The following PDE4D variants were observed in gnomAD, a reference collection of about 807,000 sequenced individuals.
PDE4D encodes the protein 3',5'-cyclic-AMP phosphodiesterase 4D.
PDE4D carries 24 observed loss-of-function variants against 87.4 expected under a neutral mutation model. That is an observed-to-expected ratio of 0.27 (90% CI 0.20 to 0.39). The LOEUF is 0.39. PDE4D is among the 10% of genes least tolerant of loss of function. PDE4D has a pLI of 1.00. For missense variants in PDE4D, 714 were observed against 1,041.0 expected (o/e 0.69, Z 4.32); for synonymous variants, 384 against 383.2 (o/e 1.00, Z -0.02).
In PDE4D at chr5:59,201,325, A is replaced by G. The variant is rs560935012; in HGVS notation, c.648-7789T>C. On this transcript the variant is annotated intron_variant, in intron 2 of 14. Transcript: ENST00000340635. ...ATTGCTACCTGCTTAAATTAAAATC[A>G]TGAAACTCTAATTTCAGACAACAAA... 1.2e-3 allele frequency among the ~76,000 whole-genome samples: 188 copies of G among 152,276 alleles called. 9 individuals carry two copies. The South Asian group carries it at 0.038, about 31-fold the overall frequency.
At chr5:59,069,610 G>A (rs1764439872) in intron 5 of PDE4D, among the ~76,000 whole-genome samples, 1 of 151,154 alleles carries the variant, frequency 6.6e-6, no homozygotes. Context: ...AACACAGCTA[G>A]TACTTGCAGA....
chr5:59,941,624 G>A lies in PDE4D; in HGVS notation c.272+46864C>T, dbSNP rs184994974. ...TATTTTATGATGGATTATTGCCCCCGCCACCACCAGGCAAAATCTCTAAGC... is the reference window on the plus strand; with the variant it reads ...TATTTTATGATGGATTATTGCCCCCACCACCACCAGGCAAAATCTCTAAGC... On this transcript the variant is annotated intron_variant, in intron 3 of 16. Coordinates refer to the PDE4D transcript ENST00000502484. Among the ~76,000 whole-genome samples, 111 of 152,240 alleles carry A rather than the reference G, an allele frequency of 7.3e-4. 1 individual carries two copies. The highest frequency in any genetic ancestry group is 2.6e-3 in the African/African-American group (106 of 41,532).
chr5:60,429,852 T>G (rs11950623), intron 1 of PDE4D: 48,725 of 342,802 alleles, frequency 0.14, 3,930 homozygotes, highest in African/African-American at 0.17. Flanking sequence ...TTTTTTGTTT[T>G]TTTTTTTAAA....
At chr5:60,348,443 C>A (rs138430326) in intron 1 of PDE4D, among the ~76,000 whole-genome samples, 1 of 150,666 alleles carries the variant, frequency 6.6e-6, no homozygotes. Context: ...TCTGAGAACT[C>A]AAATTTTAAA....
At chr5:59,522,594 A>G (rs1216074110) in intron 1 of PDE4D, among the ~76,000 whole-genome samples, 2 of 152,254 alleles carry the variant, frequency 1.3e-5, no homozygotes, top group African/African-American at 4.8e-5. Context: ...CTTTATTTCC[A>G]AGAGAGCTGG....
intron 1 of PDE4D, among the ~76,000 whole-genome samples, chr5:60,305,592 GA>G (rs1754423375): frequency 6.7e-6 from 1 of 150,120 alleles, no homozygotes; most frequent in Non-Finnish European, 1.5e-5. Flanking sequence ...ATGGCTCCAG[GA>G]AAAAAATAAA....
At chr5:60,454,326 T>G (rs1400382465) in intron 1 of PDE4D, among the ~76,000 whole-genome samples, 1 of 152,142 alleles carries the variant, frequency 6.6e-6, no homozygotes, top group Non-Finnish European at 1.5e-5. Context: ...TATAAATCAT[T>G]CTATTATAAA....
chr5:59,429,620 A>C (rs73097308), intron 1 of PDE4D, among the ~76,000 whole-genome samples: 6,668 of 152,256 alleles, frequency 0.044, 482 homozygotes, highest in African/African-American at 0.15. Context: ...ATTTTCACAG[A>C]GAGAATGGAA....
At chr5:59,499,758 T>TC (rs1339867673) in intron 1 of PDE4D, among the ~76,000 whole-genome samples, 2 of 151,780 alleles carry the variant, frequency 1.3e-5, no homozygotes, top group African/African-American at 4.8e-5. Flanking sequence ...CAATAACAAG[T>TC]AATGAAATTG....
intron 5 of PDE4D, among the ~76,000 whole-genome samples, chr5:59,051,420 T>A (rs1396557349): frequency 6.6e-6 from 1 of 152,126 alleles, no homozygotes; most frequent in Non-Finnish European, 1.5e-5. Flanking sequence ...TCATGAAAAG[T>A]CAACTATGTA....
intron 2 of PDE4D, among the ~76,000 whole-genome samples, chr5:60,076,589 C>A (rs981069188): frequency 4.6e-5 from 7 of 152,090 alleles, no homozygotes; most frequent in African/African-American, 1.7e-4. Flanking sequence ...TTTTAGGGGA[C>A]CAAGACTCAA....
At chr5:59,351,940 T>C (rs1332268932) in intron 1 of PDE4D, among the ~76,000 whole-genome samples, 1 of 152,110 alleles carries the variant, frequency 6.6e-6, no homozygotes, top group Non-Finnish European at 1.5e-5. Context: ...GTGCTGATAA[T>C]AGGATCTGGT....
chr5:60,325,854 T>A (rs999539956), intron 1 of PDE4D, among the ~76,000 whole-genome samples: 1 of 152,164 alleles, frequency 6.6e-6, no homozygotes, highest in African/African-American at 2.4e-5. Context: ...TAATCTACAC[T>A]AATCTGTTTT....
intron 1 of PDE4D, among the ~76,000 whole-genome samples, chr5:59,890,301 T>C (rs1300777203): frequency 1.3e-5 from 2 of 150,176 alleles, no homozygotes; most frequent in South Asian, 4.2e-4. Context: ...ACACACCTTT[T>C]CTTGTTTGCT....
intron 5 of PDE4D, among the ~76,000 whole-genome samples, chr5:59,109,207 AT>A (rs1325634977): frequency 2.0e-5 from 3 of 152,140 alleles, no homozygotes; most frequent in Non-Finnish European, 4.4e-5. Flanking sequence ...ATTAAAAAAA[AT>A]TCGTTAAATC....
intron 1 of PDE4D, among the ~76,000 whole-genome samples, chr5:59,570,556 C>A (rs1374587018): frequency 6.6e-6 from 1 of 151,966 alleles, no homozygotes; most frequent in Non-Finnish European, 1.5e-5. Context: ...TGTTATTGAT[C>A]CGTGTAAGTC....
At chr5:60,052,358 T>A (rs1770270624) in intron 2 of PDE4D, among the ~76,000 whole-genome samples, 1 of 152,190 alleles carries the variant, frequency 6.6e-6, no homozygotes, top group African/African-American at 2.4e-5. Context: ...GTCAGCTTCA[T>A]CCCTGGGATA....
chr5:59,388,551 A>C (rs1194313159), intron 1 of PDE4D, among the ~76,000 whole-genome samples: 1 of 152,064 alleles, frequency 6.6e-6, no homozygotes, highest in East Asian at 1.9e-4. Flanking sequence ...TGTTCATTAT[A>C]GCATTATTTA....
At chr5:60,078,898 A>T (rs1484538877) in intron 2 of PDE4D, among the ~76,000 whole-genome samples, 1 of 152,182 alleles carries the variant, frequency 6.6e-6, no homozygotes, top group African/African-American at 2.4e-5. Context: ...TTGGGTATGT[A>T]CTAAGTAATG....
Sources: allele counts gnomAD v4.1 joint callset (sites outside exome capture counted in the v4.1 genomes callset), GRCh38; gene constraint gnomAD v4.1.1; transcripts MANE v1.5; gene names NCBI Gene and HGNC (gene_info 2026-07-23, HGNC 2026-07-21).